The following PEX5L variants were observed in gnomAD, a reference collection of about 807,000 sequenced individuals.
PEX5L encodes PEX5-related protein.
Under a neutral mutation model 84.0 loss-of-function variants are expected in PEX5L, and 30 were observed. The ratio of observed to expected loss-of-function variants is 0.36; its 90% CI spans 0.27 to 0.48. The LOEUF (loss-of-function observed/expected upper bound fraction) is 0.48. Ranked by LOEUF, PEX5L falls within the 20% of genes least tolerant of loss-of-function variation. The probability of loss-of-function intolerance (pLI) is 0.99; values close to 1 mark genes in which losing one functional copy is unlikely to be tolerated. For missense variants in PEX5L, 533 were observed against 754.6 expected (o/e 0.71, Z 3.44); for synonymous variants, 270 against 283.1 (o/e 0.95, Z 0.46).
intron 2 of PEX5L, among the ~76,000 whole-genome samples, chr3:179,947,363 CCTA>C (rs1777853984): frequency 1.3e-5 from 2 of 152,052 alleles, no homozygotes; most frequent in African/African-American, 2.4e-5. Flanking sequence ...TAATTGAACA[CCTA>C]CTATGTGCTA....
intron 2 of PEX5L, among the ~76,000 whole-genome samples, chr3:179,970,634 T>C (rs1264734315): frequency 1.3e-5 from 2 of 152,188 alleles, no homozygotes; most frequent in Non-Finnish European, 2.9e-5. Flanking sequence ...AAGTCAGTTA[T>C]TTCTGGTTGC....
chr3:179,874,145 A>ATG (rs1751332497), intron 7 of PEX5L, among the ~76,000 whole-genome samples, 182 bp downstream of exon 7: 1 of 151,890 alleles, frequency 6.6e-6, no homozygotes, highest in Non-Finnish European at 1.5e-5. Context: ...ATATATATAT[A>ATG]TATACACACA....
intron 2 of PEX5L, among the ~76,000 whole-genome samples, chr3:179,919,343 A>G (rs938731789): frequency 6.6e-6 from 1 of 152,182 alleles, no homozygotes; most frequent in African/African-American, 2.4e-5. Flanking sequence ...TAGGTACTTG[A>G]TAAGTATGTA....
At chr3:179,856,792 A>C (rs962805626) in intron 8 of PEX5L, among the ~76,000 whole-genome samples, 4 of 152,058 alleles carry the variant, frequency 2.6e-5, no homozygotes, top group Non-Finnish European at 4.4e-5. Flanking sequence ...TGGTTAAGCA[A>C]CTCTGCTTAT....
intron 2 of PEX5L, among the ~76,000 whole-genome samples, chr3:179,962,229 T>A (rs1016198380): frequency 6.6e-6 from 1 of 152,180 alleles, no homozygotes; most frequent in South Asian, 2.1e-4. Flanking sequence ...TTGATTACTA[T>A]GCTTATCTTA....
chr3:179,861,947 T>C (rs547111446), intron 7 of PEX5L, among the ~76,000 whole-genome samples: 1 of 152,344 alleles, frequency 6.6e-6, no homozygotes, highest in South Asian at 2.1e-4. Flanking sequence ...TGTGTTAGTT[T>C]CTTATGGCTA....
At chr3:180,036,484 T>C in intron 1 of PEX5L, 95 bp downstream of exon 1, 1 of 1,151,402 alleles carries the variant, frequency 8.7e-7, no homozygotes, top group Non-Finnish European at 1.3e-6. Flanking sequence ...TGTTGAGCTG[T>C]GCGAAGGCAG....
At chr3:179,896,321 G>A (rs1410939822) in intron 3 of PEX5L, 1 of 151,962 alleles carries the variant, frequency 6.6e-6, no homozygotes, top group African/African-American at 2.4e-5. Context: ...TCATAAACCG[G>A]CCAGTATGCA....
At chr3:179,847,969 A>AT (rs74271170) in intron 8 of PEX5L, among the ~76,000 whole-genome samples, 34,461 of 144,106 alleles carry the variant, frequency 0.24, 4,041 homozygotes, top group Admixed American at 0.28. Flanking sequence ...ACGTTTGGGT[A>AT]TTTTTTTTTT....
chr3:179,847,058 CATGTGT>C (rs78679412), intron 8 of PEX5L, among the ~76,000 whole-genome samples: 3 of 136,664 alleles, frequency 2.2e-5, no homozygotes, highest in Admixed American at 7.4e-5. Flanking sequence ...TCCCTTTCTC[CATGTGT>C]GTGTGTGTGT....
chr3:179,832,619 C>T (rs1733540442), intron 8 of PEX5L, among the ~76,000 whole-genome samples: 2 of 151,374 alleles, frequency 1.3e-5, no homozygotes, highest in Admixed American at 6.6e-5. Flanking sequence ...CACCTACCCA[C>T]CAACCTTCCT....
chr3:179,899,504 T>C (rs1760556830), intron 2 of PEX5L, among the ~76,000 whole-genome samples: 1 of 152,118 alleles, frequency 6.6e-6, no homozygotes, highest in African/African-American at 2.4e-5. Context: ...TAAAGCTTGA[T>C]CGTTTCCATG....
chr3:179,907,229 A>G (rs551274652), intron 2 of PEX5L, among the ~76,000 whole-genome samples: 2 of 152,256 alleles, frequency 1.3e-5, no homozygotes, highest in South Asian at 2.1e-4. Flanking sequence ...AAAAGTCACA[A>G]GGAAGAATTT....
At position 179,953,113 on chromosome 3, in the gene PEX5L, A is replaced by G. The variant is rs555434516; in HGVS notation, c.93+18481T>C. Among the ~76,000 whole-genome samples, 88 of 72,006 alleles carry G rather than the reference A, an allele frequency of 1.2e-3. 1 individual carries two copies. The highest frequency in any genetic ancestry group is 6.0e-3 in the Middle Eastern group (1 of 168). 47.2% of individuals were successfully genotyped at this position (72,006 alleles called of 152,430 possible). ...TACAAAAATCAACTCAAGATGGATT[A>G]AAGACTTAAACATAAGACTGAAAAC... is the stretch of plus-strand genomic sequence containing the variant. On this transcript the variant is annotated intron_variant, in intron 2 of 14. Coordinates refer to ENST00000467460, the MANE Select transcript of PEX5L (RefSeq NM_016559.3).
At chr3:179,885,730 C>A (rs966995354) in intron 4 of PEX5L, among the ~76,000 whole-genome samples, 30 of 151,876 alleles carry the variant, frequency 2.0e-4, no homozygotes, top group African/African-American at 6.8e-4. Context: ...GAGAAAACAC[C>A]ACATGAATAT....
intron 8 of PEX5L, 109 bp from the exon 9 acceptor site, chr3:179,820,085 G>A (rs1727885984): frequency 2.0e-6 from 3 of 1,508,090 alleles, no homozygotes; most frequent in Non-Finnish European, 2.7e-6. Context: ...GGAATAAAAT[G>A]GCTGATGACA....
intron 4 of PEX5L, among the ~76,000 whole-genome samples, chr3:179,886,814 T>G (rs1024051549): frequency 6.6e-6 from 1 of 152,228 alleles, no homozygotes; most frequent in African/African-American, 2.4e-5. Flanking sequence ...AACAGCAAAC[T>G]GAGGCCAAGA....
chr3:179,936,356 A>G (rs1361343093), intron 2 of PEX5L, among the ~76,000 whole-genome samples: 1 of 152,252 alleles, frequency 6.6e-6, no homozygotes, highest in African/African-American at 2.4e-5. Flanking sequence ...TGTGGAAGAC[A>G]AAGGAATAAA....
intron 8 of PEX5L, among the ~76,000 whole-genome samples, chr3:179,851,187 A>G (rs936380972): frequency 3.3e-5 from 5 of 152,254 alleles, no homozygotes; most frequent in Non-Finnish European, 7.3e-5. Context: ...TTGGGCTGGT[A>G]TAACAAAAAT....
Sources: allele counts gnomAD v4.1 joint callset (sites outside exome capture counted in the v4.1 genomes callset), GRCh38; gene constraint gnomAD v4.1.1; transcripts MANE v1.5; gene names NCBI Gene and HGNC (gene_info 2026-07-23, HGNC 2026-07-21).